Variants in CSMD1 observed in about 807,000 individuals in gnomAD.
CSMD1 encodes the protein CUB and Sushi multiple domains 1.
A neutral mutation model predicts 417.5 loss-of-function variants in CSMD1; 213 were observed. The observed-to-expected ratio is 0.51, with a 90% confidence interval of 0.46 to 0.57. The LOEUF (loss-of-function observed/expected upper bound fraction) is 0.57. Among genes scored for constraint, CSMD1 ranks in the 20% least tolerant of loss-of-function variants. CSMD1 has a pLI of 0.00. For synonymous variants in CSMD1, 2,862 were observed against 1,736.8 expected, an observed-to-expected ratio of 1.65 and a Z score of -16.11; for missense variants, 6,923 against 4,529.7, an observed-to-expected ratio of 1.53 and a Z score of -15.17.
intron 3 of CSMD1, among the ~76,000 whole-genome samples, chr8:4,396,593 A>G (rs1804231996): frequency 6.6e-6 from 1 of 151,702 alleles, no homozygotes. Flanking sequence ...CCATCAAGCA[A>G]TGAGTGCATA....
chr8:4,556,997 C>G (rs1242492564), intron 2 of CSMD1, among the ~76,000 whole-genome samples: 3 of 152,124 alleles, frequency 2.0e-5, no homozygotes. Context: ...TTCTGAATTT[C>G]TAAAATTGAG....
intron 3 of CSMD1, among the ~76,000 whole-genome samples, chr8:4,228,465 A>C (rs912547692): frequency 6.6e-6 from 1 of 152,046 alleles, no homozygotes; most frequent in Non-Finnish European, 1.5e-5. Flanking sequence ...AAGCAGCACC[A>C]CACAGCTTCC....
chr8:3,508,450 T>C (rs185788293), intron 10 of CSMD1, among the ~76,000 whole-genome samples: 1 of 151,990 alleles, frequency 6.6e-6, no homozygotes, highest in Admixed American at 6.5e-5. Flanking sequence ...GGCACATGTA[T>C]ACATATGTAA....
At chr8:3,609,622 G>C (rs941782933) in intron 8 of CSMD1, among the ~76,000 whole-genome samples, 2 of 151,610 alleles carry the variant, frequency 1.3e-5, no homozygotes, top group African/African-American at 4.8e-5. Context: ...TAACAAAACA[G>C]CCCCAAGTTA....
chr8:3,903,523 G>A (rs905317184), intron 5 of CSMD1, among the ~76,000 whole-genome samples: 2 of 152,166 alleles, frequency 1.3e-5, no homozygotes, highest in Non-Finnish European at 2.9e-5. Context: ...TACAGATACA[G>A]TAATTGCCGG....
At chr8:4,972,193 G>C (rs57709401) in intron 1 of CSMD1, among the ~76,000 whole-genome samples, 21,246 of 152,018 alleles carry the variant, frequency 0.14, 1,681 homozygotes, top group African/African-American at 0.19. Context: ...AGAGACTTCA[G>C]GCTTAGTACA....
intron 1 of CSMD1, among the ~76,000 whole-genome samples, chr8:4,703,847 G>A (rs549586212): frequency 2.6e-5 from 4 of 152,250 alleles, no homozygotes; most frequent in East Asian, 1.9e-4. Flanking sequence ...CAGTTCTCTG[G>A]CAGACAATTT....
At chr8:3,471,404 C>A (rs1201125680) in intron 11 of CSMD1, among the ~76,000 whole-genome samples, 1 of 152,196 alleles carries the variant, frequency 6.6e-6, no homozygotes, top group African/African-American at 2.4e-5. Flanking sequence ...TTTGGTTCCA[C>A]ATGCAATTAC....
At chr8:4,572,350 G>C (rs1228847309) in intron 2 of CSMD1, among the ~76,000 whole-genome samples, 1 of 152,170 alleles carries the variant, frequency 6.6e-6, no homozygotes, top group African/African-American at 2.4e-5. Context: ...TTTCTATGGA[G>C]GATTTTATTT....
intron 5 of CSMD1, among the ~76,000 whole-genome samples, chr8:3,777,242 A>C (rs1798943334): frequency 6.6e-6 from 1 of 151,874 alleles, no homozygotes; most frequent in African/African-American, 2.4e-5. Flanking sequence ...GAGCTCCTTA[A>C]GGGCAGGGGT....
rs112862831 is a variant in CSMD1, at chr8:3,489,516, G to A, written c.1448+4107C>T. Among the ~76,000 whole-genome samples, 25 of 152,230 alleles carry A rather than the reference G, an allele frequency of 1.6e-4. 1 individual carries two copies. Among genetic ancestry groups the A allele is most frequent in the Admixed American group, 5.2e-4 (8 of 15,282 alleles). On this transcript the variant is annotated intron_variant, in intron 11 of 69. Transcript: ENST00000635120. ...TGCAGTTCCTCCACAAATCAAATTCGAGAACAGTCTCAATAGATGTACTTG... is the reference window on the plus strand; with the variant it reads ...TGCAGTTCCTCCACAAATCAAATTCAAGAACAGTCTCAATAGATGTACTTG...
intron 3 of CSMD1, among the ~76,000 whole-genome samples, chr8:4,087,139 G>A (rs901699177): frequency 1.8e-4 from 28 of 152,120 alleles, no homozygotes; most frequent in Non-Finnish European, 3.1e-4. Context: ...GGGAGGTTGC[G>A]GAAATGGAAC....
intron 23 of CSMD1, among the ~76,000 whole-genome samples, chr8:3,324,085 C>G (rs1267331294): frequency 1.4e-5 from 2 of 146,466 alleles, no homozygotes; most frequent in African/African-American, 5.0e-5. Flanking sequence ...ACCCCAGAGA[C>G]CCAGGTGGGG....
chr8:4,360,040 A>T (rs1036555), intron 3 of CSMD1, among the ~76,000 whole-genome samples: 119,690 of 152,082 alleles, frequency 0.79, 47,438 homozygotes, highest in African/African-American at 0.88. Flanking sequence ...TCCCCATCTG[A>T]GCATACAGTT....
intron 3 of CSMD1, among the ~76,000 whole-genome samples, chr8:4,216,781 G>C (rs185886313): frequency 1.4e-4 from 22 of 152,304 alleles, no homozygotes; most frequent in Non-Finnish European, 2.1e-4. Flanking sequence ...AAAAGAGAAA[G>C]TCTCCAGATG....
intron 3 of CSMD1, among the ~76,000 whole-genome samples, chr8:4,252,435 C>G (rs370913710): frequency 3.3e-5 from 5 of 152,194 alleles, no homozygotes; most frequent in Non-Finnish European, 7.4e-5. Context: ...GAAATAAACT[C>G]GAGGGGACCT....
chr8:4,020,949 A>T (rs748377767), intron 4 of CSMD1, among the ~76,000 whole-genome samples: 2 of 152,214 alleles, frequency 1.3e-5, no homozygotes. Context: ...ACACATTGTG[A>T]CGTGGACTTT....
chr8:3,041,715 G>A (rs1477894595), intron 50 of CSMD1, among the ~76,000 whole-genome samples: 4 of 152,142 alleles, frequency 2.6e-5, no homozygotes, highest in East Asian at 3.9e-4. Flanking sequence ...GAAAGATGAG[G>A]ATGCCAATCC....
intron 1 of CSMD1, among the ~76,000 whole-genome samples, chr8:4,850,807 C>G (rs1049301765): frequency 6.6e-6 from 1 of 152,014 alleles, no homozygotes; most frequent in African/African-American, 2.4e-5. Context: ...CCAAACTGCC[C>G]TCAAAAATTC....
Sources: allele counts gnomAD v4.1 joint callset (sites outside exome capture counted in the v4.1 genomes callset), GRCh38; gene constraint gnomAD v4.1.1; transcripts MANE v1.5; gene names NCBI Gene and HGNC (gene_info 2026-07-23, HGNC 2026-07-21).